Variants in ASB1 observed in about 807,000 individuals in gnomAD.
The protein encoded by ASB1 is ankyrin repeat and SOCS box protein 1.
In ASB1, 18 loss-of-function variants were observed where a neutral mutation model predicts 27.7. The observed-to-expected ratio is 0.65, with a 90% CI of 0.45 to 0.96. The LOEUF (loss-of-function observed/expected upper bound fraction) is 0.96, where lower values mean the gene tolerates loss of function less well. Ranked by LOEUF, ASB1 falls within the 50% of genes least tolerant of loss-of-function variation. The pLI is 0.00. For missense variants in ASB1, 397 were observed against 451.7 expected (o/e 0.88, Z 1.10); for synonymous variants, 189 against 187.6 (o/e 1.01, Z -0.06).
intron 1 of ASB1, chr2:238,427,391 G>C (rs1039647413): frequency 2.8e-6 from 1 of 359,596 alleles, no homozygotes; most frequent in East Asian, 4.1e-5. Context: ...CTTCCTTCCC[G>C]TTAGCCGATA....
intron 1 of ASB1, 97 bp from the exon 2 acceptor site, chr2:238,433,457 A>G: frequency 2.1e-6 from 3 of 1,449,650 alleles, no homozygotes; most frequent in Non-Finnish European, 2.8e-6. Context: ...GGTGCCCCGT[A>G]GCTGGGAGAG....
Position 238,436,477 on chromosome 2 carries a change from G to A in ASB1, c.494+464G>A, listed in dbSNP as rs530411526. On this transcript the variant is annotated intron_variant, in intron 3 of 4. Transcript: ENST00000264607. ...GTTTTCATTTTGGGGATTCTTTGAC[G>A]TAAAAAAATTATTATTATTATTATT... Among the ~76,000 whole-genome samples, 21 of 151,982 alleles carry A rather than the reference G, an allele frequency of 1.4e-4. 1 individual carries two copies. Among genetic ancestry groups the A allele is most frequent in the Non-Finnish European group, 2.5e-4 (17 of 67,998 alleles).
rs202122310 is a variant in ASB1, at chr2:238,436,031, C to T, written c.494+18C>T. On this transcript the variant is annotated intron_variant, in intron 3 of 4. Coordinates refer to ENST00000264607, the MANE Select transcript of ASB1 (RefSeq NM_001040445.3). Reference sequence around the variant, plus strand: ...CTCATCAGGCCAGTACTGTGGAGCTCGCCTGGCTCCTGCAGCCACTTTATT... The same window carrying T: ...CTCATCAGGCCAGTACTGTGGAGCTTGCCTGGCTCCTGCAGCCACTTTATT... 5.5e-4 allele frequency: 860 copies of T among 1,555,742 alleles called. No homozygotes were observed. Among genetic ancestry groups the T allele is most frequent in the Admixed American group, 7.1e-4 (35 of 48,990 alleles).
chr2:238,438,198 C>CTTTTTT (rs1559414171), intron 3 of ASB1, among the ~76,000 whole-genome samples: 8 of 44,960 alleles, frequency 1.8e-4, no homozygotes, highest in Admixed American at 2.3e-4. Context: ...AGATGCCCTT[C>CTTTTTT]ATTTTTTTTT....
At chr2:238,427,376 C>T (rs1179907478) in intron 1 of ASB1, 1 of 367,718 alleles carries the variant, frequency 2.7e-6, no homozygotes, top group African/African-American at 2.1e-5. Context: ...GGAACTTGCT[C>T]GTAACTTCCT....
rs1702296979 is a variant in ASB1 at position 238,452,081 on chromosome 2, CA to C, written c.*5571del. The C allele has an allele frequency of 6.6e-6, 1 of 152,150 alleles. No homozygotes were observed. The highest frequency in any genetic ancestry group is 1.5e-5 in the Non-Finnish European group (1 of 68,040). 9.4% of individuals were successfully genotyped at this position (152,150 alleles called of 1,614,324 possible). A position where few individuals can be genotyped will look rare whatever the true frequency, so the allele number is the denominator to read the frequency against. ...CTTTCAAGCAAGGTACCGTTGTCCC[CA>C]CAGTGTTCCGTGGGGTAGGGGGTGA... On this transcript the variant is annotated 3_prime_UTR_variant, in exon 5 of 5. Transcript: ENST00000264607.
intron 3 of ASB1, among the ~76,000 whole-genome samples, chr2:238,440,988 TC>T (rs1475309809): frequency 6.6e-6 from 1 of 152,234 alleles, no homozygotes; most frequent in Non-Finnish European, 1.5e-5. Flanking sequence ...CCTGGGGCCT[TC>T]CAGGTGAACG....
intron 2 of ASB1, among the ~76,000 whole-genome samples, chr2:238,434,938 C>G (rs539416712): frequency 6.6e-6 from 1 of 152,360 alleles, no homozygotes; most frequent in East Asian, 1.9e-4. Context: ...CTAGGCGCAG[C>G]TGGCGGAGGA....
At position 238,446,590 on chromosome 2, in the gene ASB1, C is replaced by T; in HGVS notation, c.*79C>T. Reference sequence around the variant, plus strand: ...TGGACACCGAGCCCTGAGTGCTGTGCTGCTGCTGGTCTCCTGATGGCTGTT... The same window carrying T: ...TGGACACCGAGCCCTGAGTGCTGTGTTGCTGCTGGTCTCCTGATGGCTGTT... On this transcript the variant is annotated 3_prime_UTR_variant, in exon 5 of 5. Coordinates refer to ENST00000264607, the MANE Select transcript of ASB1 (RefSeq NM_001040445.3). 1 of 1,552,104 alleles carries T rather than the reference C, an allele frequency of 6.4e-7. No individual in the cohort carries two copies. Among genetic ancestry groups the T allele is most frequent in the Non-Finnish European group, 8.8e-7 (1 of 1,135,568 alleles).
intron 3 of ASB1, among the ~76,000 whole-genome samples, chr2:238,437,242 T>A (rs1701989562): frequency 1.3e-5 from 2 of 151,990 alleles, no homozygotes; most frequent in African/African-American, 2.4e-5. Context: ...TTTTATTTTA[T>A]TTTTTTTGAG....
At chr2:238,443,249 T>A (rs1334993895) in intron 3 of ASB1, among the ~76,000 whole-genome samples, 1 of 152,236 alleles carries the variant, frequency 6.6e-6, no homozygotes, top group African/African-American at 2.4e-5. Context: ...ATTTTTGTTA[T>A]GCAAATTTTG....
chr2:238,434,676 C>T (rs181080252), intron 2 of ASB1, among the ~76,000 whole-genome samples: 61 of 152,336 alleles, frequency 4.0e-4, no homozygotes, highest in Non-Finnish European at 7.2e-4. Flanking sequence ...AGATGGATTA[C>T]GCACAGATAT....
At chr2:238,427,427 A>C in intron 1 of ASB1, 1 of 289,570 alleles carries the variant, frequency 3.5e-6, no homozygotes, top group East Asian at 5.6e-5. Flanking sequence ...CCAACCGCAA[A>C]AGTAGGACGT....
chr2:238,446,773 G>C lies in ASB1; in HGVS notation c.*262G>C, dbSNP rs543032542. On this transcript the variant is annotated 3_prime_UTR_variant, in exon 5 of 5. Coordinates refer to ENST00000264607, the MANE Select transcript of ASB1 (RefSeq NM_001040445.3). ...TTTTCAGTTGCATATTAATGTAACG[G>C]GCCATGGGGTATGTACATGTAGGGG... 98 of 447,290 alleles carry C rather than the reference G, an allele frequency of 2.2e-4. No homozygotes were observed. Among genetic ancestry groups the C allele is most frequent in the Non-Finnish European group, 3.6e-4 (89 of 245,152 alleles). The allele number at this position is 447,290 out of a possible 1,614,324, so 27.7% of individuals were successfully genotyped here.
At chr2:238,443,870 A>G (rs570038557) in intron 3 of ASB1, among the ~76,000 whole-genome samples, 1 of 152,184 alleles carries the variant, frequency 6.6e-6, no homozygotes, top group East Asian at 1.9e-4. Flanking sequence ...AACTCCCATG[A>G]GGTCATGGTA....
chr2:238,437,631 G>T (rs1701998563), intron 3 of ASB1, among the ~76,000 whole-genome samples: 1 of 151,582 alleles, frequency 6.6e-6, no homozygotes, highest in South Asian at 2.1e-4. Flanking sequence ...TTCCAGCAAA[G>T]ATGCTTTTTT....
intron 3 of ASB1, among the ~76,000 whole-genome samples, chr2:238,440,601 A>G (rs1702061044): frequency 6.6e-6 from 1 of 151,848 alleles, no homozygotes; most frequent in Non-Finnish European, 1.5e-5. Context: ...TGGCCTTCTC[A>G]CCTTGTCAGG....
At chr2:238,441,715 G>A (rs1702081740) in intron 3 of ASB1, among the ~76,000 whole-genome samples, 1 of 152,214 alleles carries the variant, frequency 6.6e-6, no homozygotes, top group South Asian at 2.1e-4. Context: ...AGTTCATTCA[G>A]CCAGTCCCGT....
intron 3 of ASB1, among the ~76,000 whole-genome samples, chr2:238,442,470 C>T (rs1017267142): frequency 1.3e-5 from 2 of 152,194 alleles, no homozygotes; most frequent in Non-Finnish European, 2.9e-5. Context: ...GCTCTTTATA[C>T]GTTAAGGGTA....
Sources: allele counts gnomAD v4.1 joint callset (sites outside exome capture counted in the v4.1 genomes callset), GRCh38; gene constraint gnomAD v4.1.1; transcripts MANE v1.5; gene names NCBI Gene and HGNC (gene_info 2026-07-23, HGNC 2026-07-21).